The following AFDN variants were observed in gnomAD, a reference collection of about 807,000 sequenced individuals.
AFDN encodes the protein afadin.
Under a neutral mutation model 216.6 loss-of-function variants are expected in AFDN, and 68 were observed. The observed-to-expected ratio is 0.31, with a 90% CI of 0.26 to 0.38. The LOEUF is 0.38. Among genes scored for constraint, AFDN ranks in the 10% least tolerant of loss-of-function variants. The pLI, the probability that AFDN is intolerant of heterozygous loss-of-function variation, is 1.00. For missense variants in AFDN, 2,136 were observed against 2,342.0 expected (o/e 0.91, Z 1.82); for synonymous variants, 868 against 853.7 (o/e 1.02, Z -0.29).
intron 2 of AFDN, among the ~76,000 whole-genome samples, chr6:167,866,252 A>G (rs1002586239): frequency 6.6e-6 from 1 of 152,202 alleles, no homozygotes; most frequent in African/African-American, 2.4e-5. Flanking sequence ...GTGAAAACAA[A>G]AAGATGGTTA....
intron 32 of AFDN, among the ~76,000 whole-genome samples, chr6:167,967,921 G>A (rs940420116): frequency 2.0e-5 from 3 of 152,126 alleles, no homozygotes; most frequent in Non-Finnish European, 4.4e-5. Context: ...ACAGTGAGAG[G>A]AGCAGCATTA....
At chr6:167,900,553 A>G (rs1363454702) in intron 11 of AFDN, among the ~76,000 whole-genome samples, 1 of 152,240 alleles carries the variant, frequency 6.6e-6, no homozygotes, top group Non-Finnish European at 1.5e-5. Context: ...CCACATATCC[A>G]GCCTGCAGTA....
intron 31 of AFDN, 82 bp from the exon 32 acceptor site, chr6:167,965,675 A>AT (rs1797463148): frequency 7.7e-7 from 1 of 1,296,782 alleles, no homozygotes; most frequent in African/African-American, 1.5e-5. Context: ...GATGATGAGG[A>AT]TTGTTCCCTT....
At chr6:167,932,280 C>T (rs1358860477) in intron 23 of AFDN, among the ~76,000 whole-genome samples, 2 of 152,168 alleles carry the variant, frequency 1.3e-5, no homozygotes. Flanking sequence ...TGTTAAGTTC[C>T]CTGACTCGCC....
chr6:167,870,400 A>G lies in AFDN; in HGVS notation c.316A>G (p.Ile106Val). 1.2e-6 allele frequency: 2 copies of G among 1,602,610 alleles called. No homozygotes were observed. The highest frequency in any genetic ancestry group is 1.7e-6 in the Non-Finnish European group (2 of 1,172,444). The part of the protein sequence containing the change: ...VHVSGERRLD[I>V]DEKPLVVQLN... ...TTTTGAAGAAGAAAGAAGATTGGATATAGATGAGAAACCTCTAGTTGTACA... is the reference window on the plus strand; with the variant it reads ...TTTTGAAGAAGAAAGAAGATTGGATGTAGATGAGAAACCTCTAGTTGTACA... Residue 106 changes from isoleucine to valine, a missense_variant, in exon 3 of 34, where the codon ATA (isoleucine) becomes GTA (valine). By Grantham distance (29) the Ile-to-Val change is conservative. Coordinates refer to ENST00000683244, the MANE Select transcript of AFDN (RefSeq NM_001386888.1).
At chr6:167,864,978 G>A in intron 2 of AFDN, 1 of 667,718 alleles carries the variant, frequency 1.5e-6, no homozygotes, top group Non-Finnish European at 2.8e-6. Flanking sequence ...TATTAATTTT[G>A]CATATGCTTA....
At chr6:167,848,314 T>A (rs908952398) in intron 1 of AFDN, among the ~76,000 whole-genome samples, 1 of 152,198 alleles carries the variant, frequency 6.6e-6, no homozygotes, top group Admixed American at 6.5e-5. Flanking sequence ...TTCTTTTAGT[T>A]AAATAGTGTC....
At chr6:167,893,819 G>A (rs756977097) in intron 8 of AFDN, 43 bp from the exon 9 acceptor site, 136 of 1,502,748 alleles carry the variant, frequency 9.1e-5, no homozygotes, top group Admixed American at 1.9e-4. Context: ...CTCTCCTGCT[G>A]ATGCTGCCTT....
rs1201035534 is a variant in AFDN, at chr6:167,875,508, A to G, written c.739+13A>G. On this transcript the variant is annotated intron_variant, in intron 5 of 33. Coordinates refer to ENST00000683244, the MANE Select transcript of AFDN (RefSeq NM_001386888.1). ...CGGCCTGATTCAGGTACAACTTGGTATTTTTTCTCTGTTCTACCTGTTACA... is the reference window on the plus strand; with the variant it reads ...CGGCCTGATTCAGGTACAACTTGGTGTTTTTTCTCTGTTCTACCTGTTACA... The G allele has an allele frequency of 3.7e-6, 6 of 1,612,540 alleles. No individual in the cohort carries two copies. The highest frequency in any genetic ancestry group is 3.3e-5 in the South Asian group (3 of 90,878).
In AFDN at chr6:167,946,894, C is replaced by T. The variant is rs367706314; in HGVS notation, c.3546C>T (p.Asn1182=). 18 of 1,610,320 alleles carry T rather than the reference C, an allele frequency of 1.1e-5. No individual in the cohort carries two copies. The highest frequency in any genetic ancestry group is 1.4e-5 in the Non-Finnish European group (16 of 1,179,096). Residue 1182 remains asparagine, a synonymous_variant, in exon 27 of 34, where the codon AAC becomes AAT. Transcript: ENST00000683244. ...KNRADHRSSP[N]VANQPPSPGG... is the part of the protein sequence containing the mutation. ...GAGCTGATCACCGTTCCAGCCCCAA[C>T]GTAGCAAGTAAGAGTGACACTTTTT...
chr6:167,870,647 A>C, intron 3 of AFDN, 149 bp downstream of exon 3: 1 of 455,646 alleles, frequency 2.2e-6, no homozygotes, highest in Admixed American at 3.8e-5. Flanking sequence ...ATAATTTAAA[A>C]GAAGCCTTTT....
At chr6:167,866,307 C>G (rs753010185) in intron 2 of AFDN, among the ~76,000 whole-genome samples, 7 of 152,198 alleles carry the variant, frequency 4.6e-5, no homozygotes, top group Non-Finnish European at 7.4e-5. Context: ...AGGTACCCTT[C>G]CACACCTTTG....
intron 22 of AFDN, 154 bp from the exon 23 acceptor site, chr6:167,924,851 A>G (rs946045799): frequency 9.9e-6 from 7 of 707,508 alleles, no homozygotes; most frequent in Admixed American, 1.9e-5. Flanking sequence ...AAGAGTATCT[A>G]TATTAATTGA....
chr6:167,875,825 T>G (rs1785303200), intron 5 of AFDN, among the ~76,000 whole-genome samples: 1 of 152,190 alleles, frequency 6.6e-6, no homozygotes, highest in African/African-American at 2.4e-5. Flanking sequence ...CAAAATACAT[T>G]GCCTCCATTC....
At chr6:167,914,568 G>A (rs1418764963) in intron 17 of AFDN, 76 bp from the exon 18 acceptor site, 1 of 1,120,094 alleles carries the variant, frequency 8.9e-7, no homozygotes, top group Non-Finnish European at 1.3e-6. Flanking sequence ...AGTCCAGATT[G>A]TTTCCCATGT....
intron 1 of AFDN, among the ~76,000 whole-genome samples, chr6:167,857,101 C>T (rs760406756): frequency 3.9e-5 from 6 of 151,926 alleles, no homozygotes; most frequent in South Asian, 2.1e-4. Flanking sequence ...GCTATGATTA[C>T]GGTAAGATGG....
chr6:167,906,270 C>T (rs903535165), intron 12 of AFDN, among the ~76,000 whole-genome samples: 4 of 152,066 alleles, frequency 2.6e-5, no homozygotes, highest in Non-Finnish European at 5.9e-5. Flanking sequence ...GTTATACAGC[C>T]ATTACAAGTC....
intron 16 of AFDN, 67 bp downstream of exon 16, chr6:167,913,490 G>T: frequency 7.1e-7 from 1 of 1,409,490 alleles, no homozygotes; most frequent in South Asian, 1.2e-5. Context: ...CTGCTCCCAT[G>T]TCAAATAAGT....
chr6:167,947,825 T>C (rs199568469), intron 27 of AFDN, 28 bp from the exon 28 acceptor site: 3 of 327,964 alleles, frequency 9.1e-6, no homozygotes, highest in African/African-American at 1.3e-4. Flanking sequence ...AATATTACAC[T>C]TTTTTTTTTC....
Sources: allele counts gnomAD v4.1 joint callset (sites outside exome capture counted in the v4.1 genomes callset), GRCh38; gene constraint gnomAD v4.1.1; transcripts MANE v1.5; gene names NCBI Gene and HGNC (gene_info 2026-07-23, HGNC 2026-07-21).